AKAP12: variants seen among roughly 807,000 people sequenced by gnomAD.
AKAP12 encodes A-kinase anchor protein 12.
Under a neutral mutation model 79.9 loss-of-function variants are expected in AKAP12, and 32 were observed. That is an observed-to-expected ratio of 0.40 (90% CI 0.30 to 0.54). The LOEUF is 0.54. AKAP12 is among the 20% of genes least tolerant of loss of function. AKAP12 has a pLI of 0.48. For synonymous variants in AKAP12, 808 were observed against 857.0 expected, an observed-to-expected ratio of 0.94 and a Z score of 1.00; for missense variants, 2,074 against 2,177.0, an observed-to-expected ratio of 0.95 and a Z score of 0.94.
intron 2 of AKAP12, among the ~76,000 whole-genome samples, chr6:151,264,488 T>C (rs1429862720): frequency 6.7e-6 from 1 of 149,728 alleles, no homozygotes; most frequent in Non-Finnish European, 1.5e-5. Flanking sequence ...TTGACCAACA[T>C]GGAGAAACCC....
intron 3 of AKAP12, among the ~76,000 whole-genome samples, chr6:151,319,352 A>T (rs1009220918): frequency 3.0e-4 from 46 of 151,656 alleles, no homozygotes; most frequent in African/African-American, 1.1e-3. Flanking sequence ...AGATAACCTG[A>T]CAGTGTCATT....
chr6:151,321,912 T>TTTTG (rs1554329726), intron 3 of AKAP12, among the ~76,000 whole-genome samples: 1 of 143,376 alleles, frequency 7.0e-6, no homozygotes, highest in African/African-American at 2.7e-5. Context: ...TGTTTTTTTT[T>TTTTG]TTTTTTTTTT....
intron 3 of AKAP12, among the ~76,000 whole-genome samples, chr6:151,320,796 C>T (rs1484564855): frequency 6.6e-6 from 1 of 152,180 alleles, no homozygotes; most frequent in East Asian, 1.9e-4. Context: ...CTCAAGCCTC[C>T]AATGGCTCCC....
chr6:151,289,270 C>T (rs1776566849), intron 2 of AKAP12, among the ~76,000 whole-genome samples: 1 of 152,130 alleles, frequency 6.6e-6, no homozygotes, highest in African/African-American at 2.4e-5. Context: ...TACTCTCCAC[C>T]CCTAATGTTG....
At chr6:151,308,909 C>G (rs9397390) in intron 3 of AKAP12, among the ~76,000 whole-genome samples, 36,185 of 152,040 alleles carry the variant, frequency 0.24, 4,677 homozygotes, top group Admixed American at 0.33. Flanking sequence ...GAGTCTTGCT[C>G]TGTCACCCAA....
chr6:151,270,487 A>G lies in AKAP12; in HGVS notation c.162+29763A>G, dbSNP rs955451398. Among the ~76,000 whole-genome samples the G allele has an allele frequency of 5.3e-5, 8 of 152,348 alleles. No homozygotes were observed. In the East Asian group the frequency reaches 1.2e-3, roughly 22 times the overall value. On this transcript the variant is annotated intron_variant, in intron 2 of 4. Coordinates refer to ENST00000402676, the MANE Select transcript of AKAP12 (RefSeq NM_005100.4). ...TTTGGCTGTCATGAATAATATTGCT[A>G]TGAACACTAATGTACAATTCTTTGC...
intron 2 of AKAP12, among the ~76,000 whole-genome samples, chr6:151,295,087 T>C (rs1366780830): frequency 1.3e-5 from 2 of 152,238 alleles, no homozygotes; most frequent in Admixed American, 1.3e-4. Context: ...ATACACGCAG[T>C]ATACTCATGC....
At chr6:151,297,528 G>A (rs1236660096) in intron 2 of AKAP12, among the ~76,000 whole-genome samples, 1 of 148,826 alleles carries the variant, frequency 6.7e-6, no homozygotes, top group Non-Finnish European at 1.5e-5. Flanking sequence ...AGCCAAGATC[G>A]TGCCACTGTA....
At chr6:151,251,718 C>T (rs1055932642) in intron 2 of AKAP12, among the ~76,000 whole-genome samples, 10 of 152,178 alleles carry the variant, frequency 6.6e-5, no homozygotes, top group South Asian at 2.1e-4. Context: ...GAGGTTTGGC[C>T]GGGCACAGTG....
At chr6:151,274,722 C>T (rs563972847) in intron 2 of AKAP12, among the ~76,000 whole-genome samples, 1 of 152,300 alleles carries the variant, frequency 6.6e-6, no homozygotes, top group African/African-American at 2.4e-5. Flanking sequence ...GGGCATCTCA[C>T]AATTTTATAG....
At chr6:151,333,553 C>G (rs1384539827) in intron 3 of AKAP12, among the ~76,000 whole-genome samples, 1 of 151,958 alleles carries the variant, frequency 6.6e-6, no homozygotes, top group African/African-American at 2.4e-5. Context: ...GAGTTTGAGA[C>G]CAATCTGGCC....
chr6:151,261,669 C>T (rs1797439134), intron 2 of AKAP12, among the ~76,000 whole-genome samples: 1 of 151,220 alleles, frequency 6.6e-6, no homozygotes, highest in Non-Finnish European at 1.5e-5. Context: ...CCATTGCACT[C>T]CAGCCTGTCG....
At chr6:151,286,979 C>T (rs1776517943) in intron 2 of AKAP12, among the ~76,000 whole-genome samples, 1 of 151,462 alleles carries the variant, frequency 6.6e-6, no homozygotes, top group Non-Finnish European at 1.5e-5. Flanking sequence ...CGCTCTGTTG[C>T]CCAGGCTGGA....
intron 2 of AKAP12, among the ~76,000 whole-genome samples, chr6:151,286,804 G>A (rs1039144696): frequency 2.6e-5 from 4 of 152,220 alleles, no homozygotes; most frequent in Non-Finnish European, 5.9e-5. Flanking sequence ...GAAGGTTAGA[G>A]CTCAGAGCTC....
At chr6:151,253,326 A>C (rs763273656) in intron 2 of AKAP12, among the ~76,000 whole-genome samples, 4 of 152,250 alleles carry the variant, frequency 2.6e-5, no homozygotes, top group Non-Finnish European at 5.9e-5. Context: ...ATGTCTTTAG[A>C]AACTTTCGTT....
intron 3 of AKAP12, chr6:151,343,804 A>C (rs1167917010): frequency 6.7e-6 from 2 of 297,102 alleles, no homozygotes; most frequent in Non-Finnish European, 6.5e-6. Context: ...AAAAGAAAAA[A>C]GAAATAGTTC....
chr6:151,282,485 A>C (rs1432255747), intron 2 of AKAP12, among the ~76,000 whole-genome samples: 5 of 152,126 alleles, frequency 3.3e-5, no homozygotes, highest in Non-Finnish European at 7.4e-5. Flanking sequence ...TCACCAAAAC[A>C]AATGTGCTGT....
chr6:151,243,699 G>T (rs1582827409), intron 2 of AKAP12, among the ~76,000 whole-genome samples: 1 of 152,108 alleles, frequency 6.6e-6, no homozygotes, highest in African/African-American at 2.4e-5. Context: ...ATCCAGGCGG[G>T]GGCAGGGGGA....
At chr6:151,303,548 C>T (rs561907031) in intron 2 of AKAP12, among the ~76,000 whole-genome samples, 2 of 152,310 alleles carry the variant, frequency 1.3e-5, no homozygotes, top group African/African-American at 2.4e-5. Flanking sequence ...TTCTGGATTG[C>T]GTGTCTTGAA....
Sources: gnomAD v4.1 joint callset for allele counts (sites outside exome capture counted in the v4.1 genomes callset) on GRCh38, gnomAD v4.1.1 for gene constraint, MANE v1.5 for transcripts, NCBI Gene and HGNC (gene_info 2026-07-23, HGNC 2026-07-21) for gene names.